Variants in AK7 observed in about 807,000 individuals in gnomAD.
AK7 encodes the protein ATP-AMP transphosphorylase 7.
A neutral mutation model predicts 96.6 loss-of-function variants in AK7; 78 were observed. The ratio of observed to expected loss-of-function variants is 0.81; its 90% confidence interval spans 0.67 to 0.97. AK7 has a LOEUF of 0.97. Ranked by LOEUF, AK7 falls within the 50% of genes least tolerant of loss-of-function variation. AK7 has a pLI of 0.00. For missense variants in AK7, 855 were observed against 887.9 expected, an observed-to-expected ratio of 0.96 and a Z score of 0.47; for synonymous variants, 302 against 317.2, an observed-to-expected ratio of 0.95 and a Z score of 0.51.
At position 96,451,587 on chromosome 14, in the gene AK7, C is replaced by A; in HGVS notation, c.1098+17C>A. The A allele has an allele frequency of 7.0e-7, 1 of 1,431,988 alleles. No homozygotes were observed. The highest frequency in any genetic ancestry group is 9.3e-7 in the Non-Finnish European group (1 of 1,078,330). The allele number at this position is 1,431,988 out of a possible 1,614,324, so 88.7% of individuals were successfully genotyped here. A position where few individuals can be genotyped will look rare whatever the true frequency, so the allele number is the denominator to read the frequency against. On this transcript the variant is annotated intron_variant, in intron 10 of 17. Transcript: ENST00000267584. ...GGATTGATGGTAACTATCACTGTTT[C>A]CCACTGAAACTTCTGATTCAAGCAA...
At chr14:96,465,388 G>A (rs1023162046) in intron 12 of AK7, among the ~76,000 whole-genome samples, 4 of 152,020 alleles carry the variant, frequency 2.6e-5, no homozygotes, top group South Asian at 2.1e-4. Context: ...GCGTGAACCC[G>A]GGAGGCGGAG....
At position 96,396,271 on chromosome 14, in the gene AK7, C is replaced by G. The variant is rs557288670; in HGVS notation, c.106-1804C>G. ...CTAGTTGGTCCTTAATTAATTAGGGCCTTTCTCAAATTCCAGGTAATTACT... is the reference window on the plus strand; with the variant it reads ...CTAGTTGGTCCTTAATTAATTAGGGGCTTTCTCAAATTCCAGGTAATTACT... On this transcript the variant is annotated intron_variant, in intron 1 of 17. Coordinates refer to ENST00000267584, the MANE Select transcript of AK7 (RefSeq NM_152327.5). Among the ~76,000 whole-genome samples, 677 of 152,142 alleles carry G rather than the reference C, an allele frequency of 4.4e-3. 2 individuals are homozygous for G. The highest frequency in any genetic ancestry group is 6.8e-3 in the Middle Eastern group (2 of 294).
chr14:96,410,964 G>A (rs1890996715), intron 4 of AK7, among the ~76,000 whole-genome samples: 1 of 152,100 alleles, frequency 6.6e-6, no homozygotes, highest in Non-Finnish European at 1.5e-5. Context: ...TCACACCACT[G>A]CACTTCAGCC....
intron 4 of AK7, among the ~76,000 whole-genome samples, chr14:96,410,482 C>CTTTCTTTTATGG (rs1393971767): frequency 2.6e-5 from 4 of 152,210 alleles, no homozygotes; most frequent in African/African-American, 9.6e-5. Flanking sequence ...GACTCTCTCT[C>CTTTCTTTTATGG]TTTCTTTTAT....
chr14:96,407,590 T>C (rs1890789173), intron 3 of AK7, among the ~76,000 whole-genome samples: 1 of 147,382 alleles, frequency 6.8e-6, no homozygotes, highest in Non-Finnish European at 1.5e-5. Context: ...CTTTTTTTTT[T>C]TTTTTTTTTG....
intron 14 of AK7, among the ~76,000 whole-genome samples, chr14:96,476,532 T>C (rs1013104244): frequency 6.7e-6 from 1 of 150,104 alleles, no homozygotes; most frequent in African/African-American, 2.4e-5. Flanking sequence ...AAACCATAGA[T>C]TTTTCATGTG....
intron 5 of AK7, among the ~76,000 whole-genome samples, chr14:96,432,541 T>C (rs781641489): frequency 6.6e-6 from 1 of 152,156 alleles, no homozygotes; most frequent in Non-Finnish European, 1.5e-5. Flanking sequence ...TTCCTTTCCA[T>C]GTTTAGGGCT....
chr14:96,484,461 C>G (rs1193345061), intron 16 of AK7, among the ~76,000 whole-genome samples: 1 of 152,208 alleles, frequency 6.6e-6, no homozygotes, highest in Non-Finnish European at 1.5e-5. Flanking sequence ...CAACTCCTCA[C>G]AGGCTCTCAA....
chr14:96,442,602 C>T, intron 6 of AK7, 128 bp from the exon 7 acceptor site: 3 of 755,058 alleles, frequency 4.0e-6, no homozygotes, highest in Non-Finnish European at 4.8e-6. Context: ...TATAAAACAC[C>T]CCCTAGAGGA....
chr14:96,423,880 TGGGA>T, intron 5 of AK7: 5 of 929,580 alleles, frequency 5.4e-6, no homozygotes, highest in Non-Finnish European at 8.9e-6. Context: ...GCCTGTGCCT[TGGGA>T]GACCCCGAGC....
chr14:96,469,018 A>G (rs1343613474), intron 12 of AK7, among the ~76,000 whole-genome samples: 1 of 152,168 alleles, frequency 6.6e-6, no homozygotes, highest in Non-Finnish European at 1.5e-5. Context: ...TCCTTTGTGT[A>G]CTGGGTCATG....
chr14:96,412,226 C>CTTTTTTTTT (rs34331496), intron 4 of AK7, among the ~76,000 whole-genome samples: 1 of 121,026 alleles, frequency 8.3e-6, no homozygotes, highest in Non-Finnish European at 1.7e-5. Flanking sequence ...TTCTTTCTTT[C>CTTTTTTTTT]TTTTTTTTTT....
At chr14:96,463,139 AAAACAAAC>A (rs72136096) in intron 12 of AK7, among the ~76,000 whole-genome samples, 36 of 151,178 alleles carry the variant, frequency 2.4e-4, no homozygotes, top group South Asian at 6.3e-4. Context: ...TCCGCCTCAA[AAAACAAAC>A]AAACAAACAA....
chr14:96,394,637 G>A (rs1889952826), intron 1 of AK7, among the ~76,000 whole-genome samples: 1 of 152,154 alleles, frequency 6.6e-6, no homozygotes, highest in Non-Finnish European at 1.5e-5. Context: ...AATTCAGTGG[G>A]AAGCCTTGAA....
intron 12 of AK7, among the ~76,000 whole-genome samples, chr14:96,467,911 C>G (rs1249760609): frequency 1.3e-5 from 2 of 151,792 alleles, no homozygotes; most frequent in African/African-American, 2.4e-5. Context: ...CCAAGTGGAA[C>G]ACTTTTGCTT....
chr14:96,405,587 T>A (rs1890666518), intron 3 of AK7, among the ~76,000 whole-genome samples: 1 of 152,006 alleles, frequency 6.6e-6, no homozygotes, highest in Non-Finnish European at 1.5e-5. Context: ...TAAGAAAAGG[T>A]ACCCCAAGGC....
At chr14:96,398,702 C>T (rs1890232101) in intron 2 of AK7, 1 of 186,460 alleles carries the variant, frequency 5.4e-6, no homozygotes, top group Non-Finnish European at 1.1e-5. Flanking sequence ...GGCAACATAG[C>T]AAGATCCTGT....
At chr14:96,477,833 C>A (rs2140167904) in intron 14 of AK7, among the ~76,000 whole-genome samples, 1 of 152,264 alleles carries the variant, frequency 6.6e-6, no homozygotes, top group East Asian at 1.9e-4. Context: ...GCCATCAAAG[C>A]ATTTTGCTTG....
chr14:96,452,916 G>C (rs1028673997), intron 10 of AK7, among the ~76,000 whole-genome samples: 2 of 152,196 alleles, frequency 1.3e-5, no homozygotes, highest in Admixed American at 6.5e-5. Flanking sequence ...AAGCACCTGC[G>C]TAGAGCTTTG....
Sources: gnomAD v4.1 joint callset for allele counts (sites outside exome capture counted in the v4.1 genomes callset) on GRCh38, gnomAD v4.1.1 for gene constraint, MANE v1.5 for transcripts, NCBI Gene and HGNC (gene_info 2026-07-23, HGNC 2026-07-21) for gene names.